MME: variants seen among roughly 807,000 people sequenced by gnomAD.
MME encodes membrane metalloendopeptidase.
In MME, 98 loss-of-function variants were observed where a neutral mutation model predicts 113.2. The observed-to-expected ratio is 0.87, with a 90% CI of 0.74 to 1.02. The LOEUF (loss-of-function observed/expected upper bound fraction) is 1.02, where lower values mean the gene tolerates loss of function less well. Among genes scored for constraint, MME ranks in the 50% least tolerant of loss-of-function variants. The pLI is 0.00. For missense variants in MME, 836 were observed against 896.0 expected (o/e 0.93, Z 0.86); for synonymous variants, 292 against 300.6 (o/e 0.97, Z 0.30).
chr3:155,079,271 AG>A (rs1714901950), upstream of MME, among the ~76,000 whole-genome samples: 1 of 152,018 alleles, frequency 6.6e-6, no homozygotes, highest in South Asian at 2.1e-4. Flanking sequence ...GGATTCAGGG[AG>A]GAAAGGGAGC....
At chr3:155,083,105 T>C (rs1370606862) in intron 1 of MME, among the ~76,000 whole-genome samples, 2 of 152,182 alleles carry the variant, frequency 1.3e-5, no homozygotes. Flanking sequence ...CCTGATGAAA[T>C]TTAATATTTA....
At chr3:155,150,675 C>T (rs1457375084) in intron 16 of MME, among the ~76,000 whole-genome samples, 2 of 152,158 alleles carry the variant, frequency 1.3e-5, no homozygotes, top group Non-Finnish European at 2.9e-5. Flanking sequence ...GTAGCTGGAA[C>T]CCAGATACTG....
Position 155,170,898 on chromosome 3 carries a change from G to A in MME, c.1981-1219G>A, listed in dbSNP as rs571671617. ...AGAGTAAAGTTTAACATCTCTCAGGGGTCATTCTCCTTTTGCCTGATGTTC... is the reference window on the plus strand; with the variant it reads ...AGAGTAAAGTTTAACATCTCTCAGGAGTCATTCTCCTTTTGCCTGATGTTC... On this transcript the variant is annotated intron_variant, in intron 20 of 22. Transcript: ENST00000360490. 7.9e-5 allele frequency among the ~76,000 whole-genome samples: 12 copies of A among 152,138 alleles called. No homozygotes were observed. The South Asian group carries it at 2.5e-3, about 32-fold the overall frequency.
chr3:155,032,110 A>G (rs1712993248), intron 1 of MME, among the ~76,000 whole-genome samples: 1 of 152,230 alleles, frequency 6.6e-6, no homozygotes, highest in Non-Finnish European at 1.5e-5. Context: ...AATATTATAC[A>G]TAAATCTCAC....
chr3:155,099,500 C>T (rs538309387), intron 3 of MME, among the ~76,000 whole-genome samples: 15 of 152,134 alleles, frequency 9.9e-5, no homozygotes, highest in Admixed American at 5.2e-4. Flanking sequence ...TAGATGATTG[C>T]GAAGTTAAAT....
rs188795424 is a variant in MME, at chr3:155,067,919, C to G, written c.-10-16239C>G. Among the ~76,000 whole-genome samples, 338 of 152,218 alleles carry G rather than the reference C, an allele frequency of 2.2e-3. 4 individuals carry two copies. The highest frequency in any genetic ancestry group is 6.9e-4 in the Non-Finnish European group (47 of 68,016). ...ACTGCCACAGGATTCGGCTATTGCA[C>G]TCCTAGATATTTACCTAGGAAAAGT... On this transcript the variant is annotated intron_variant, in intron 1 of 22. Coordinates refer to the MME transcript ENST00000492661.
chr3:155,140,210 A>G lies in MME; in HGVS notation c.875A>G (p.Asp292Gly). 5.6e-6 allele frequency: 9 copies of G among 1,611,764 alleles called. No homozygotes were observed. Among genetic ancestry groups the G allele is most frequent in the Non-Finnish European group, 7.6e-6 (9 of 1,178,588 alleles). The change falls in exon 10 of 23, where the codon GAT becomes GGT. Residue 292 changes from aspartate to glycine, a missense_variant. By Grantham distance (94) the Asp-to-Gly change is moderately conservative. Coordinates refer to ENST00000360490, the MANE Select transcript of MME (RefSeq NM_007289.4). ...EIANATAKPE[D>G]RNDPMLLYNK... The stretch of plus-strand genomic sequence containing the variant: ...CCATAGGCTACGGCTAAACCTGAAG[A>G]TCGAAATGATCCAATGCTTCTGTAT...
intron 22 of MME, among the ~76,000 whole-genome samples, chr3:155,179,029 G>A (rs996131628): frequency 6.6e-6 from 1 of 152,158 alleles, no homozygotes; most frequent in African/African-American, 2.4e-5. Flanking sequence ...CTTTGATAGG[G>A]ATAGTCCCTG....
chr3:155,087,907 C>T (rs1310586358), intron 3 of MME, among the ~76,000 whole-genome samples: 1 of 152,174 alleles, frequency 6.6e-6, no homozygotes, highest in Non-Finnish European at 1.5e-5. Flanking sequence ...TAGTGTTTGG[C>T]AAGTCTCAAC....
At chr3:155,135,298 G>T (rs1327157183) in intron 8 of MME, among the ~76,000 whole-genome samples, 11 of 152,074 alleles carry the variant, frequency 7.2e-5, no homozygotes, top group Non-Finnish European at 1.5e-4. Context: ...AATCCATCTT[G>T]AGGTAATTTT....
intron 1 of MME, among the ~76,000 whole-genome samples, chr3:155,052,455 C>T (rs762876987): frequency 2.4e-4 from 36 of 152,252 alleles, no homozygotes; most frequent in Non-Finnish European, 3.8e-4. Context: ...GTTCTCAAAG[C>T]TCAATCCTTG....
chr3:155,078,045 TACAC>T (rs34585642), upstream of MME, among the ~76,000 whole-genome samples: 2,316 of 139,756 alleles, frequency 0.017, 41 homozygotes, highest in African/African-American at 0.045. Context: ...AAAGTAAAAG[TACAC>T]ACACACACAC....
chr3:155,153,869 A>G (rs1722127627), intron 16 of MME, among the ~76,000 whole-genome samples: 1 of 152,156 alleles, frequency 6.6e-6, no homozygotes, highest in African/African-American at 2.4e-5. Flanking sequence ...GGAGAACAAG[A>G]TGTTGCCCTT....
intron 1 of MME, among the ~76,000 whole-genome samples, chr3:155,052,174 C>T (rs957306853): frequency 6.6e-6 from 1 of 152,174 alleles, no homozygotes; most frequent in African/African-American, 2.4e-5. Context: ...GGGTACAGTC[C>T]CGCATCCTGG....
chr3:155,097,710 G>C (rs916213375), intron 3 of MME, among the ~76,000 whole-genome samples: 4 of 152,154 alleles, frequency 2.6e-5, no homozygotes, highest in African/African-American at 9.7e-5. Context: ...AAGCTAGGAG[G>C]GACAGGAAGT....
chr3:155,172,361 T>A (rs1237236388), intron 21 of MME, 149 bp downstream of exon 21: 7 of 798,898 alleles, frequency 8.8e-6, no homozygotes, highest in Non-Finnish European at 1.5e-5. Flanking sequence ...TTGGATCATA[T>A]TAATGATAAA....
intron 3 of MME, among the ~76,000 whole-genome samples, chr3:155,087,076 A>T (rs1715814226): frequency 6.7e-6 from 1 of 150,236 alleles, no homozygotes; most frequent in Admixed American, 6.7e-5. Flanking sequence ...GAGATCAAGC[A>T]GTCCTCCTAC....
chr3:155,103,086 G>T (rs189238856), intron 3 of MME, among the ~76,000 whole-genome samples: 3 of 152,124 alleles, frequency 2.0e-5, no homozygotes, highest in Non-Finnish European at 4.4e-5. Context: ...TTCATTCCCA[G>T]AGCATCCTAT....
At chr3:155,091,593 A>T (rs1164690987) in intron 3 of MME, among the ~76,000 whole-genome samples, 1 of 152,172 alleles carries the variant, frequency 6.6e-6, no homozygotes, top group Non-Finnish European at 1.5e-5. Flanking sequence ...TTAGAATAAG[A>T]GATATAGAAA....
Sources: gnomAD v4.1 joint callset for allele counts (sites outside exome capture counted in the v4.1 genomes callset) on GRCh38, gnomAD v4.1.1 for gene constraint, MANE v1.5 for transcripts, NCBI Gene and HGNC (gene_info 2026-07-23, HGNC 2026-07-21) for gene names.